Variants in FER1L6 observed in about 807,000 individuals in gnomAD.
FER1L6 encodes the protein fer-1 like family member 6, also known as fer-1-like protein 6.
Under a neutral mutation model 219.2 loss-of-function variants are expected in FER1L6, and 177 were observed. The observed-to-expected ratio is 0.81, with a 90% CI of 0.71 to 0.91. The LOEUF (loss-of-function observed/expected upper bound fraction) is 0.91. Among genes scored for constraint, FER1L6 ranks in the 40% least tolerant of loss-of-function variants. The probability of loss-of-function intolerance (pLI) is 0.00; values close to 1 mark genes in which losing one functional copy is unlikely to be tolerated. For synonymous variants in FER1L6, 768 were observed against 824.3 expected (o/e 0.93, Z 1.17); for missense variants, 2,153 against 2,259.9 (o/e 0.95, Z 0.96).
chr8:123,973,530 C>T lies in FER1L6; in HGVS notation c.526+18C>T, dbSNP rs1352053914. ...CCAACCTGGTAAGAAAACATCACCT[C>T]CCCATCTGTATCTCACTTGTCTTTG... On this transcript the variant is annotated intron_variant, in intron 7 of 40. Coordinates refer to ENST00000522917, the MANE Select transcript of FER1L6 (RefSeq NM_001039112.2). 1.9e-6 allele frequency: 3 copies of T among 1,586,832 alleles called. No homozygotes were observed. Among genetic ancestry groups the T allele is most frequent in the Non-Finnish European group, 2.6e-6 (3 of 1,155,338 alleles).
rs575534955 is a variant in FER1L6 at position 123,865,637 on chromosome 8, C to T, written c.-8+13452C>T. Among the ~76,000 whole-genome samples, 355 of 151,300 alleles carry T rather than the reference C, an allele frequency of 2.3e-3. 6 individuals carry two copies. Among genetic ancestry groups the T allele is most frequent in the Non-Finnish European group, 3.2e-3 (218 of 68,026 alleles). On this transcript the variant is annotated intron_variant, in intron 1 of 40. Transcript: ENST00000522917. Reference sequence around the variant, plus strand: ...GCTGTGCTAGCAATCAGCGAGATTCCGTGGGCGTAGGACCCTCCGAGCCAG... The same window carrying T: ...GCTGTGCTAGCAATCAGCGAGATTCTGTGGGCGTAGGACCCTCCGAGCCAG...
intron 39 of FER1L6, among the ~76,000 whole-genome samples, chr8:124,116,386 C>T (rs927782233): frequency 2.8e-5 from 4 of 143,346 alleles, no homozygotes; most frequent in South Asian, 2.2e-4. Context: ...TTATAAAGTG[C>T]GATAGCCAAA....
intron 1 of FER1L6, among the ~76,000 whole-genome samples, chr8:123,878,139 C>T (rs563916815): frequency 1.8e-4 from 28 of 152,224 alleles, no homozygotes; most frequent in Admixed American, 7.2e-4. Flanking sequence ...GGGGGCAGTA[C>T]AGTAACATGA....
intron 12 of FER1L6, among the ~76,000 whole-genome samples, chr8:123,987,812 G>C (rs754326817): frequency 5.9e-5 from 9 of 152,096 alleles, no homozygotes; most frequent in Non-Finnish European, 1.2e-4. Context: ...CGATACTTTT[G>C]TAAAAAATGA....
intron 14 of FER1L6, among the ~76,000 whole-genome samples, chr8:124,011,627 A>G (rs1472256997): frequency 6.7e-6 from 1 of 149,536 alleles, no homozygotes; most frequent in Non-Finnish European, 1.5e-5. Context: ...CTACAGGTGC[A>G]TGCATGCCAC....
intron 38 of FER1L6, among the ~76,000 whole-genome samples, chr8:124,102,862 A>G (rs1477032726): frequency 6.6e-6 from 1 of 152,182 alleles, no homozygotes; most frequent in Non-Finnish European, 1.5e-5. Flanking sequence ...CAGTGAAGCT[A>G]CCTGCAGCTG....
chr8:124,074,266 G>C lies in FER1L6; in HGVS notation c.4093-1932G>C, dbSNP rs376455602. On this transcript the variant is annotated intron_variant, in intron 31 of 40. Transcript: ENST00000522917. ...AGAGTCATAGGGTCATGGATTCAGA[G>C]ACCATTAGTTCTGGGAAGGGCCTTC... 1.9e-4 allele frequency among the ~76,000 whole-genome samples: 29 copies of C among 152,318 alleles called. 3 individuals are homozygous for C. The South Asian group carries it at 5.8e-3, about 30-fold the overall frequency.
At chr8:123,958,024 G>A (rs1000534712) in intron 2 of FER1L6, among the ~76,000 whole-genome samples, 2 of 152,174 alleles carry the variant, frequency 1.3e-5, no homozygotes, top group African/African-American at 4.8e-5. Context: ...GTATTTTGAG[G>A]CATTGTAGTT....
chr8:123,933,850 A>G (rs1813879425), intron 1 of FER1L6, among the ~76,000 whole-genome samples: 1 of 151,820 alleles, frequency 6.6e-6, no homozygotes, highest in East Asian at 1.9e-4. Context: ...AAAATTTTCT[A>G]TTTATTTTGA....
chr8:123,895,217 C>A (rs1413053417), intron 1 of FER1L6, among the ~76,000 whole-genome samples: 1 of 152,164 alleles, frequency 6.6e-6, no homozygotes, highest in Non-Finnish European at 1.5e-5. Context: ...GACCTGTAAT[C>A]TTCAAAAAAT....
intron 3 of FER1L6, among the ~76,000 whole-genome samples, chr8:123,964,068 G>A (rs1042321712): frequency 1.1e-4 from 16 of 152,154 alleles, no homozygotes; most frequent in African/African-American, 2.2e-4. Flanking sequence ...CAGATCCTCC[G>A]TCAGGCTAGT....
chr8:123,898,681 A>G (rs1812792130), intron 1 of FER1L6, among the ~76,000 whole-genome samples: 1 of 146,012 alleles, frequency 6.8e-6, no homozygotes, highest in South Asian at 2.1e-4. Context: ...GTATATATAT[A>G]CATATATGTA....
chr8:123,887,066 G>A (rs957628564), intron 1 of FER1L6, among the ~76,000 whole-genome samples: 1 of 152,098 alleles, frequency 6.6e-6, no homozygotes, highest in South Asian at 2.1e-4. Context: ...CATACAATGA[G>A]ACACCAGGCT....
rs1423067137 is a variant in FER1L6, at chr8:124,082,434, G to A, written c.4367G>A (p.Cys1456Tyr). 1 of 1,613,864 alleles carries A rather than the reference G, an allele frequency of 6.2e-7. No individual in the cohort carries two copies. Among genetic ancestry groups the A allele is most frequent in the African/African-American group, 1.3e-5 (1 of 74,924 alleles). ...NRFYSKHRAI[C>Y]GLQSQYEIEG... ...TTCTACAGCAAACACCGAGCCATCTGTGGCTTGCAGAGCCAGTATGAGATG... is the reference window on the plus strand; with the variant it reads ...TTCTACAGCAAACACCGAGCCATCTATGGCTTGCAGAGCCAGTATGAGATG... Residue 1456 changes from cysteine (C) to tyrosine (Y), a missense_variant, in exon 33 of 41, where the codon TGT (cysteine) becomes TAT (tyrosine). Physicochemically the swap from Cys to Tyr is radical, Grantham distance 194. Coordinates refer to ENST00000522917, the MANE Select transcript of FER1L6 (RefSeq NM_001039112.2).
chr8:123,992,969 C>T (rs1409274214), intron 12 of FER1L6, among the ~76,000 whole-genome samples: 1 of 152,182 alleles, frequency 6.6e-6, no homozygotes, highest in Non-Finnish European at 1.5e-5. Context: ...AAAAATCATT[C>T]AGGAGCAGAC....
intron 1 of FER1L6, among the ~76,000 whole-genome samples, chr8:123,882,256 A>T (rs1032506290): frequency 2.0e-5 from 3 of 152,042 alleles, no homozygotes; most frequent in African/African-American, 7.2e-5. Flanking sequence ...AGATCTGTTT[A>T]GTTTAGTTTA....
At position 124,067,817 on chromosome 8, in the gene FER1L6, A is replaced by C; in HGVS notation, c.3718+11A>C. 2 of 1,611,028 alleles carry C rather than the reference A, an allele frequency of 1.2e-6. No individual in the cohort carries two copies. Among genetic ancestry groups the C allele is most frequent in the Non-Finnish European group, 1.7e-6 (2 of 1,177,236 alleles). The stretch of plus-strand genomic sequence containing the variant: ...AAAAAGGCAATACAGGTAAGCAGTT[A>C]TTCTGGGGACATTTGTCCATAGAAT... On this transcript the variant is annotated intron_variant, in intron 28 of 40. Transcript: ENST00000522917.
chr8:123,966,334 T>C, intron 5 of FER1L6, 44 bp downstream of exon 5: 2 of 1,607,864 alleles, frequency 1.2e-6, no homozygotes, highest in Non-Finnish European at 8.5e-7. Context: ...TAAGATTCTC[T>C]TCACCACCAT....
intron 21 of FER1L6, among the ~76,000 whole-genome samples, chr8:124,048,894 T>G (rs1447385912): frequency 6.6e-6 from 1 of 152,214 alleles, no homozygotes; most frequent in Non-Finnish European, 1.5e-5. Context: ...TCCTTTGGAA[T>G]GTTTGCTGCC....
Sources: gnomAD v4.1 joint callset for allele counts (sites outside exome capture counted in the v4.1 genomes callset) on GRCh38, gnomAD v4.1.1 for gene constraint, MANE v1.5 for transcripts, NCBI Gene and HGNC (gene_info 2026-07-23, HGNC 2026-07-21) for gene names.